LRRC8C: variants seen among roughly 807,000 people sequenced by gnomAD.
The protein encoded by LRRC8C is volume-regulated anion channel subunit LRRC8C.
Under a neutral mutation model 55.3 loss-of-function variants are expected in LRRC8C, and 20 were observed. That is an observed-to-expected ratio of 0.36 (90% CI 0.25 to 0.53). The LOEUF is 0.53. Among genes scored for constraint, LRRC8C ranks in the 20% least tolerant of loss-of-function variants. The pLI is 0.92. For synonymous variants in LRRC8C, 376 were observed against 360.7 expected, an observed-to-expected ratio of 1.04 and a Z score of -0.48; for missense variants, 659 against 951.4, an observed-to-expected ratio of 0.69 and a Z score of 4.04.
rs1172732114 is a variant in LRRC8C, at chr1:89,718,374, A to G, written c.*3392A>G. The G allele has an allele frequency of 6.6e-6, 1 of 152,180 alleles. No individual in the cohort carries two copies. The highest frequency in any genetic ancestry group is 1.5e-5 in the Non-Finnish European group (1 of 68,012). The allele number at this position is 152,180 out of a possible 1,614,324, so 9.4% of individuals were successfully genotyped here. ...TGTCTTTGTGGAGAGGGTCTTAGAC[A>G]AAAATCTTCCTTGTATTTACTTGGG... On this transcript the variant is annotated 3_prime_UTR_variant, in exon 3 of 3. Coordinates refer to ENST00000370454, the MANE Select transcript of LRRC8C (RefSeq NM_032270.5).
At chr1:89,627,200 T>C in the LRRC8C span, among the ~76,000 whole-genome samples, 1 of 152,062 alleles carries the variant, frequency 6.6e-6, no homozygotes, top group Non-Finnish European at 1.5e-5. Flanking sequence ...AAAATGATCC[T>C]ATAGCTCTAA....
chr1:89,621,459 A>C, the LRRC8C span, among the ~76,000 whole-genome samples: 1 of 152,014 alleles, frequency 6.6e-6, no homozygotes, highest in Non-Finnish European at 1.5e-5. Flanking sequence ...AGAGCGAGAC[A>C]CCATCTCAAA....
chr1:89,661,359 G>A (rs1301715946), intron 1 of LRRC8C: 4 of 344,348 alleles, frequency 1.2e-5, no homozygotes, highest in African/African-American at 6.5e-5. Context: ...TGCCAGACAC[G>A]AGATACAGTG....
intron 2 of LRRC8C, among the ~76,000 whole-genome samples, chr1:89,694,478 C>T (rs1658109840): frequency 6.6e-6 from 1 of 151,654 alleles, no homozygotes; most frequent in African/African-American, 2.4e-5. Context: ...GAGACGAGTT[C>T]TCACTCTGTT....
rs1557668638 is a variant in LRRC8C, at chr1:89,707,856, A to G, written c.139-4853A>G. Reference sequence around the variant, plus strand: ...CTTCCAAGCCTGTTCACTCCAATGTAAAGTAGGCAGTTTAGCTGTCTCTTT... The same window carrying G: ...CTTCCAAGCCTGTTCACTCCAATGTGAAGTAGGCAGTTTAGCTGTCTCTTT... On this transcript the variant is annotated intron_variant, in intron 2 of 2. Coordinates refer to ENST00000370454, the MANE Select transcript of LRRC8C (RefSeq NM_032270.5). 2.6e-5 allele frequency among the ~76,000 whole-genome samples: 4 copies of G among 151,978 alleles called. No homozygotes were observed. In the South Asian group the frequency reaches 8.3e-4, roughly 32 times the overall value.
chr1:89,686,827 A>G (rs891811275), intron 2 of LRRC8C, among the ~76,000 whole-genome samples: 1 of 152,224 alleles, frequency 6.6e-6, no homozygotes, highest in African/African-American at 2.4e-5. Flanking sequence ...AATGAGCCCA[A>G]AGAGCAATTG....
chr1:89,663,775 C>T (rs143091191), intron 1 of LRRC8C, among the ~76,000 whole-genome samples: 2,117 of 152,240 alleles, frequency 0.014, 48 homozygotes, highest in African/African-American at 0.049. Context: ...TTCTCCACAT[C>T]CTCTCCAGCA....
intron 1 of LRRC8C, among the ~76,000 whole-genome samples, chr1:89,673,312 C>G (rs1044152848): frequency 6.6e-6 from 1 of 152,132 alleles, no homozygotes; most frequent in Non-Finnish European, 1.5e-5. Flanking sequence ...GTTCTGAAAT[C>G]AGCTTTAGAT....
chr1:89,671,989 C>G (rs1014086242), intron 1 of LRRC8C, among the ~76,000 whole-genome samples: 7 of 152,174 alleles, frequency 4.6e-5, no homozygotes, highest in Middle Eastern at 3.2e-3. Context: ...CTGGCTCAGG[C>G]TACCCCTATC....
At chr1:89,622,373 C>G in the LRRC8C span, among the ~76,000 whole-genome samples, 1 of 147,012 alleles carries the variant, frequency 6.8e-6, no homozygotes, top group Admixed American at 6.9e-5. Context: ...CGCTCTGTCG[C>G]CCAGGCTGGA....
intron 2 of LRRC8C, among the ~76,000 whole-genome samples, chr1:89,709,466 A>G (rs373161105): frequency 6.6e-6 from 1 of 152,240 alleles, no homozygotes; most frequent in Non-Finnish European, 1.5e-5. Context: ...TACACAAGCT[A>G]GATTTCAGCC....
chr1:89,634,697 A>G (rs1656230100), intron 1 of LRRC8C, among the ~76,000 whole-genome samples: 1 of 152,264 alleles, frequency 6.6e-6, no homozygotes, highest in South Asian at 2.1e-4. Context: ...TGAGCTGCAT[A>G]AAACTCGCTC....
intron 2 of LRRC8C, among the ~76,000 whole-genome samples, chr1:89,697,180 T>C (rs1045638412): frequency 6.6e-6 from 1 of 152,216 alleles, no homozygotes; most frequent in Non-Finnish European, 1.5e-5. Flanking sequence ...GCAGTTGATA[T>C]CATCTCACTT....
chr1:89,667,714 A>G (rs114435672), intron 1 of LRRC8C, among the ~76,000 whole-genome samples: 1,590 of 152,270 alleles, frequency 0.01, 44 homozygotes, highest in African/African-American at 0.037. Context: ...AAAAGAGCTA[A>G]AACTTTAAAG....
chr1:89,657,596 C>G (rs1234271952), intron 1 of LRRC8C, among the ~76,000 whole-genome samples: 1 of 152,046 alleles, frequency 6.6e-6, no homozygotes, highest in Non-Finnish European at 1.5e-5. Flanking sequence ...CAAAAATTAT[C>G]TGGGCGTGGT....
At chr1:89,668,635 C>A (rs573221042) in intron 1 of LRRC8C, among the ~76,000 whole-genome samples, 81 of 152,276 alleles carry the variant, frequency 5.3e-4, no homozygotes, top group Admixed American at 8.5e-4. Flanking sequence ...TAATTTCCCT[C>A]TTTAAATGAA....
intron 2 of LRRC8C, among the ~76,000 whole-genome samples, chr1:89,694,947 A>C (rs896907628): frequency 6.9e-6 from 1 of 145,454 alleles, no homozygotes; most frequent in Admixed American, 6.8e-5. Context: ...TTTTTGATAC[A>C]GAGTCTCACT....
chr1:89,719,499 A>G lies in LRRC8C; in HGVS notation c.*4517A>G, dbSNP rs1658912708. ...TGTTATTTGGATATGTAGTACATAG[A>G]AACAGAAAAATAAAGTCATTTTTAT... On this transcript the variant is annotated 3_prime_UTR_variant, in exon 3 of 3. Coordinates refer to ENST00000370454, the MANE Select transcript of LRRC8C (RefSeq NM_032270.5). 1.3e-5 allele frequency: 2 copies of G among 152,242 alleles called. 1 individual carries two copies. Among genetic ancestry groups the G allele is most frequent in the South Asian group, 4.1e-4 (2 of 4,834 alleles). 9.4% of individuals were successfully genotyped at this position (152,242 alleles called of 1,614,324 possible).
chr1:89,679,317 G>C (rs929822060), intron 1 of LRRC8C, among the ~76,000 whole-genome samples: 4 of 152,178 alleles, frequency 2.6e-5, no homozygotes, highest in Non-Finnish European at 4.4e-5. Flanking sequence ...AGTTTGGGAG[G>C]CCAAGGTGGG....
Sources: allele counts gnomAD v4.1 joint callset (sites outside exome capture counted in the v4.1 genomes callset), GRCh38; gene constraint gnomAD v4.1.1; transcripts MANE v1.5; gene names NCBI Gene and HGNC (gene_info 2026-07-23, HGNC 2026-07-21).